Variants in ADGRL3 observed in about 807,000 individuals in gnomAD.
The protein encoded by ADGRL3 is adhesion G protein-coupled receptor L3.
In ADGRL3, 62 loss-of-function variants were observed where a neutral mutation model predicts 153.5. The ratio of observed to expected loss-of-function variants is 0.40; its 90% CI spans 0.33 to 0.50. The LOEUF is 0.50. ADGRL3 is among the 20% of genes least tolerant of loss of function. ADGRL3 has a pLI of 0.47. For synonymous variants in ADGRL3, 710 were observed against 672.5 expected (o/e 1.06, Z -0.86); for missense variants, 1,641 against 1,859.4 (o/e 0.88, Z 2.16).
chr4:61,266,875 G>A (rs1336060743), intron 1 of ADGRL3, among the ~76,000 whole-genome samples: 7 of 151,660 alleles, frequency 4.6e-5, no homozygotes, highest in African/African-American at 1.7e-4. Flanking sequence ...CTGCAATAAG[G>A]TAGTGGAGAG....
intron 1 of ADGRL3, among the ~76,000 whole-genome samples, chr4:61,336,940 C>T (rs150859328): frequency 6.6e-6 from 1 of 150,578 alleles, no homozygotes; most frequent in East Asian, 2.0e-4. Context: ...CCACTCTGTT[C>T]CATACTTCCA....
chr4:61,702,307 A>G (rs973715118), intron 6 of ADGRL3, among the ~76,000 whole-genome samples: 1 of 152,214 alleles, frequency 6.6e-6, no homozygotes, highest in Non-Finnish European at 1.5e-5. Flanking sequence ...TTTCCAAGGC[A>G]CTATGCATTG....
chr4:61,743,606 T>G (rs2151945285), intron 8 of ADGRL3, among the ~76,000 whole-genome samples: 1 of 152,316 alleles, frequency 6.6e-6, no homozygotes, highest in African/African-American at 2.4e-5. Context: ...CTGTTAGCAT[T>G]CATATTTAAA....
Position 61,361,637 on chromosome 4 carries a change from A to C in ADGRL3, c.-239-21487A>C, listed in dbSNP as rs1182833888. ...GATGAGTCACTGTAGGCAAAAGGCT[A>C]AGAGCAGTTTGTGGCACACAATAAA... On this transcript the variant is annotated intron_variant, in intron 1 of 26. Coordinates refer to ENST00000683033, the MANE Select transcript of ADGRL3 (RefSeq NM_001387552.1). Among the ~76,000 whole-genome samples the C allele has an allele frequency of 2.6e-5, 4 of 152,166 alleles. No individual in the cohort carries two copies. The South Asian group carries it at 8.3e-4, about 32-fold the overall frequency.
chr4:61,864,144 G>A (rs13105595), intron 9 of ADGRL3, among the ~76,000 whole-genome samples: 65,855 of 151,952 alleles, frequency 0.43, 14,674 homozygotes, highest in Middle Eastern at 0.55. Flanking sequence ...CTTATCTCTG[G>A]AAATTCAGTT....
intron 17 of ADGRL3, among the ~76,000 whole-genome samples, chr4:61,955,962 G>A (rs2098964723): frequency 6.6e-6 from 1 of 152,124 alleles, no homozygotes; most frequent in South Asian, 2.1e-4. Flanking sequence ...TTGGTTCCAT[G>A]ACTTTGCTAT....
At chr4:61,373,232 G>T (rs182192791) in intron 1 of ADGRL3, among the ~76,000 whole-genome samples, 2 of 152,098 alleles carry the variant, frequency 1.3e-5, no homozygotes, top group Non-Finnish European at 2.9e-5. Context: ...GTTCCTATTC[G>T]GCCATCTTGG....
chr4:61,400,909 G>A (rs985154822), intron 2 of ADGRL3, among the ~76,000 whole-genome samples: 55 of 150,846 alleles, frequency 3.6e-4, no homozygotes, highest in African/African-American at 1.3e-3. Flanking sequence ...TGAAAGGTCT[G>A]TTAGAATTCT....
chr4:61,618,893 G>GT (rs1268265929), intron 5 of ADGRL3, among the ~76,000 whole-genome samples: 5 of 152,036 alleles, frequency 3.3e-5, no homozygotes, highest in African/African-American at 9.7e-5. Flanking sequence ...ATTTTTGTGT[G>GT]TTTTTTGTGG....
At chr4:61,532,194 G>A (rs903206844) in intron 4 of ADGRL3, among the ~76,000 whole-genome samples, 13 of 152,160 alleles carry the variant, frequency 8.5e-5, no homozygotes, top group African/African-American at 2.9e-4. Context: ...TCAGATATGC[G>A]TGACTGCATC....
In ADGRL3 at chr4:61,983,430, T is replaced by A. The variant is rs775397973; in HGVS notation, c.3063T>A (p.Ala1021=). Residue 1021 remains alanine (A), a synonymous_variant, in exon 19 of 27, where the codon GCT becomes GCA. Coordinates refer to ENST00000683033, the MANE Select transcript of ADGRL3 (RefSeq NM_001387552.1). ...FAALLHFFFL[A]AFTWMFLEGV... is the part of the protein sequence containing the mutation. ...CCCTGTTACATTTCTTCTTCTTGGC[T>A]GCCTTCACCTGGATGTTCCTGGAGG... The A allele has an allele frequency of 6.2e-7, 1 of 1,613,928 alleles. No homozygotes were observed.
intron 1 of ADGRL3, among the ~76,000 whole-genome samples, chr4:61,245,309 A>G (rs371002691): frequency 6.6e-6 from 1 of 152,002 alleles, no homozygotes; most frequent in Non-Finnish European, 1.5e-5. Context: ...TTTCTCATCT[A>G]TCATGCTCTT....
At chr4:61,483,398 GCACT>G (rs1407217906) in intron 2 of ADGRL3, among the ~76,000 whole-genome samples, 2 of 152,096 alleles carry the variant, frequency 1.3e-5, no homozygotes, top group Non-Finnish European at 2.9e-5. Context: ...AATAATGATA[GCACT>G]CAATTATGCA....
At chr4:61,913,784 G>C (rs929350252) in intron 13 of ADGRL3, among the ~76,000 whole-genome samples, 7 of 152,126 alleles carry the variant, frequency 4.6e-5, no homozygotes, top group African/African-American at 1.7e-4. Context: ...GACTTAGTGA[G>C]CATAAAATCA....
chr4:61,629,404 T>C (rs1378643750), intron 5 of ADGRL3, among the ~76,000 whole-genome samples: 1 of 151,886 alleles, frequency 6.6e-6, no homozygotes, highest in African/African-American at 2.4e-5. Flanking sequence ...TTGTTCTATA[T>C]GGTTTTTCTC....
At chr4:62,016,596 G>C (rs1350125550) in intron 21 of ADGRL3, among the ~76,000 whole-genome samples, 6 of 152,066 alleles carry the variant, frequency 3.9e-5, no homozygotes, top group Non-Finnish European at 8.8e-5. Context: ...AGTATTACTA[G>C]AACTTGCTTA....
At chr4:61,895,875 T>G (rs1162643560) in intron 11 of ADGRL3, 41 bp downstream of exon 11, 1 of 1,160,852 alleles carries the variant, frequency 8.6e-7, no homozygotes, top group South Asian at 1.5e-5. Flanking sequence ...GCTAAAACTA[T>G]ATCATCTGTT....
intron 1 of ADGRL3, among the ~76,000 whole-genome samples, chr4:61,309,398 A>G (rs577006058): frequency 6.6e-6 from 1 of 152,306 alleles, no homozygotes; most frequent in Non-Finnish European, 1.5e-5. Flanking sequence ...CCCCTGGAGT[A>G]TGTTACAAGC....
intron 1 of ADGRL3, among the ~76,000 whole-genome samples, chr4:61,283,298 T>C (rs1038116374): frequency 6.6e-6 from 1 of 152,108 alleles, no homozygotes; most frequent in African/African-American, 2.4e-5. Context: ...TTTAGTTTTA[T>C]GGTAACTGCA....
Sources: gnomAD v4.1 joint callset for allele counts (sites outside exome capture counted in the v4.1 genomes callset) on GRCh38, gnomAD v4.1.1 for gene constraint, MANE v1.5 for transcripts, NCBI Gene and HGNC (gene_info 2026-07-23, HGNC 2026-07-21) for gene names.